Variants in STXBP5L observed in about 807,000 individuals in gnomAD.
STXBP5L encodes the protein syntaxin binding protein 5L.
STXBP5L carries 65 observed loss-of-function variants against 144.5 expected under a neutral mutation model. The observed-to-expected ratio is 0.45, with a 90% CI of 0.37 to 0.55. The LOEUF (loss-of-function observed/expected upper bound fraction) is 0.55, where lower values mean the gene tolerates loss of function less well. Ranked by LOEUF, STXBP5L falls within the 20% of genes least tolerant of loss-of-function variation. The probability of loss-of-function intolerance (pLI) is 0.00; values close to 1 mark genes in which losing one functional copy is unlikely to be tolerated. For synonymous variants in STXBP5L, 505 were observed against 469.6 expected, an observed-to-expected ratio of 1.08 and a Z score of -0.97; for missense variants, 1,298 against 1,405.5, an observed-to-expected ratio of 0.92 and a Z score of 1.22.
chr3:121,312,446 C>CATTTTTTTTTTT (rs1468535221), intron 19 of STXBP5L, among the ~76,000 whole-genome samples: 1 of 12,754 alleles, frequency 7.8e-5, no homozygotes, highest in Non-Finnish European at 1.2e-4. Context: ...GTATGTCAAT[C>CATTTTTTTTTTT]TTTTTTTTTT....
intron 20 of STXBP5L, among the ~76,000 whole-genome samples, chr3:121,320,387 T>C (rs2043929794): frequency 6.6e-6 from 1 of 152,136 alleles, no homozygotes; most frequent in Admixed American, 6.6e-5. Context: ...TTAATTCTTA[T>C]AGTTGGTAAA....
At chr3:121,342,872 T>C (rs1488963759) in intron 20 of STXBP5L, among the ~76,000 whole-genome samples, 1 of 149,778 alleles carries the variant, frequency 6.7e-6, no homozygotes, top group Non-Finnish European at 1.5e-5. Context: ...AGTAATGGGA[T>C]TGCTGGGTCA....
At chr3:121,282,429 A>G in intron 19 of STXBP5L, 1 of 1,240,300 alleles carries the variant, frequency 8.1e-7, no homozygotes, top group Non-Finnish European at 1.1e-6. Context: ...TGTTTCTTAA[A>G]ACACATTCAG....
At chr3:121,005,423 C>A (rs1265267252) in intron 3 of STXBP5L, among the ~76,000 whole-genome samples, 1 of 152,058 alleles carries the variant, frequency 6.6e-6, no homozygotes, top group Non-Finnish European at 1.5e-5. Context: ...TTTATTGCGT[C>A]TATTTGATTC....
rs144642851 is a variant in STXBP5L, at chr3:121,270,640, A to G, written c.1959-9165A>G. Reference sequence around the variant, plus strand: ...GCTAATTTTTGTATTTTTAGTAGAGATGGTGTTTTGCCACGTTGACCAGGC... The same window carrying G: ...GCTAATTTTTGTATTTTTAGTAGAGGTGGTGTTTTGCCACGTTGACCAGGC... On this transcript the variant is annotated intron_variant, in intron 18 of 26. Coordinates refer to ENST00000471454, the MANE Select transcript of STXBP5L (RefSeq NM_001308330.2). 1.1e-4 allele frequency among the ~76,000 whole-genome samples: 17 copies of G among 152,116 alleles called. No individual in the cohort carries two copies. In the East Asian group the frequency reaches 3.3e-3, roughly 29 times the overall value.
At position 121,105,402 on chromosome 3, in the gene STXBP5L, A is replaced by G. The variant is rs112045862; in HGVS notation, c.471-9523A>G. Among the ~76,000 whole-genome samples the G allele has an allele frequency of 2.5e-3, 380 of 152,028 alleles. 2 individuals carry two copies. The highest frequency in any genetic ancestry group is 8.6e-3 in the African/African-American group (357 of 41,484). On this transcript the variant is annotated intron_variant, in intron 5 of 26. Transcript: ENST00000471454. ...AGAGTGAGACTCTGTCTCAAAATAA[A>G]TAAATAAATAAATAAATAAAAAGAT... is the stretch of plus-strand genomic sequence containing the variant.
At chr3:121,354,581 G>A (rs910155150) in intron 20 of STXBP5L, among the ~76,000 whole-genome samples, 3 of 106,262 alleles carry the variant, frequency 2.8e-5, no homozygotes, top group Admixed American at 2.4e-4. Context: ...TTTAGCTTAT[G>A]TGTGTCTTTG....
intron 3 of STXBP5L, among the ~76,000 whole-genome samples, chr3:120,974,204 T>C (rs1576534728): frequency 1.3e-5 from 2 of 152,162 alleles, no homozygotes; most frequent in Admixed American, 6.5e-5. Context: ...CTAGCACCTG[T>C]TGTTTCCTGA....
intron 19 of STXBP5L, among the ~76,000 whole-genome samples, chr3:121,280,275 T>C (rs1241926643): frequency 6.6e-6 from 1 of 151,806 alleles, no homozygotes; most frequent in Non-Finnish European, 1.5e-5. Flanking sequence ...TAGGGCTCTG[T>C]AGTTGAAAAA....
At chr3:121,028,259 G>C (rs1946096456) in intron 3 of STXBP5L, among the ~76,000 whole-genome samples, 1 of 151,998 alleles carries the variant, frequency 6.6e-6, no homozygotes, top group Admixed American at 6.6e-5. Flanking sequence ...AGATTATTAT[G>C]CTATTAATAA....
chr3:120,944,599 A>C (rs1379090994), intron 2 of STXBP5L, among the ~76,000 whole-genome samples: 3 of 151,768 alleles, frequency 2.0e-5, no homozygotes, highest in Non-Finnish European at 3.0e-5. Flanking sequence ...TTATTTCAAG[A>C]GATTTGTAAG....
At chr3:121,287,900 A>G (rs991309509) in intron 19 of STXBP5L, among the ~76,000 whole-genome samples, 5 of 152,304 alleles carry the variant, frequency 3.3e-5, no homozygotes, top group Non-Finnish European at 4.4e-5. Context: ...ACTTAAATAA[A>G]TAGTTACACC....
intron 3 of STXBP5L, among the ~76,000 whole-genome samples, chr3:120,956,182 A>T (rs1938016159): frequency 6.6e-6 from 1 of 151,902 alleles, no homozygotes; most frequent in African/African-American, 2.4e-5. Flanking sequence ...GTCATGTGGT[A>T]ATTAGATATT....
At chr3:120,959,413 T>C (rs1021485771) in intron 3 of STXBP5L, among the ~76,000 whole-genome samples, 2 of 152,182 alleles carry the variant, frequency 1.3e-5, no homozygotes, top group Non-Finnish European at 2.9e-5. Context: ...TTAAAGTTCA[T>C]ATGGAACCAA....
intron 20 of STXBP5L, among the ~76,000 whole-genome samples, chr3:121,367,797 T>TTTTTTA (rs1202269724): frequency 7.2e-6 from 1 of 139,522 alleles, no homozygotes; most frequent in Non-Finnish European, 1.5e-5. Context: ...TTCCTTTTTT[T>TTTTTTA]TTTTTTTTGT....
intron 3 of STXBP5L, among the ~76,000 whole-genome samples, chr3:121,018,228 C>T (rs1268026565): frequency 6.6e-6 from 1 of 152,024 alleles, no homozygotes; most frequent in Non-Finnish European, 1.5e-5. Flanking sequence ...AAAGTGATTC[C>T]AAAGTGTATA....
chr3:121,345,133 A>G (rs1005815684), intron 20 of STXBP5L, among the ~76,000 whole-genome samples: 13 of 151,858 alleles, frequency 8.6e-5, no homozygotes, highest in Admixed American at 7.9e-4. Context: ...TACATTAGGT[A>G]TTTCTCCTAA....
chr3:121,094,818 A>G (rs1046194100), intron 5 of STXBP5L, among the ~76,000 whole-genome samples: 1 of 151,822 alleles, frequency 6.6e-6, no homozygotes, highest in African/African-American at 2.4e-5. Flanking sequence ...TTTCATTATG[A>G]TGTTAGGTGG....
At chr3:121,031,307 G>A (rs1946351999) in intron 3 of STXBP5L, among the ~76,000 whole-genome samples, 2 of 151,964 alleles carry the variant, frequency 1.3e-5, no homozygotes, top group South Asian at 4.1e-4. Context: ...ACATGTATGT[G>A]CATACATATA....
Sources: gnomAD v4.1 joint callset for allele counts (sites outside exome capture counted in the v4.1 genomes callset) on GRCh38, gnomAD v4.1.1 for gene constraint, MANE v1.5 for transcripts, NCBI Gene and HGNC (gene_info 2026-07-23, HGNC 2026-07-21) for gene names.